The following SEPTIN6 variants were observed in gnomAD, a reference collection of about 807,000 sequenced individuals.
SEPTIN6 encodes septin 6, also known as septin-6.
In SEPTIN6, 8 loss-of-function variants were observed where a neutral mutation model predicts 33.6. That is an observed-to-expected ratio of 0.24 (90% CI 0.14 to 0.43). The LOEUF is 0.43. SEPTIN6 is among the 20% of genes least tolerant of loss of function. The probability of loss-of-function intolerance (pLI) is 1.00; values close to 1 mark genes in which losing one functional copy is unlikely to be tolerated. For missense variants in SEPTIN6, 250 were observed against 340.8 expected, an observed-to-expected ratio of 0.73 and a Z score of 2.10; for synonymous variants, 131 against 140.0, an observed-to-expected ratio of 0.94 and a Z score of 0.45.
intron 1 of SEPTIN6, among the ~76,000 whole-genome samples, chrX:119,680,319 C>T (rs965400780): frequency 9.2e-6 from 1 of 108,950 alleles, no homozygotes; most frequent in Non-Finnish European, 1.9e-5. Context: ...AGCGATTCTC[C>T]TGCCTCAGCC....
rs115988031 is a variant in SEPTIN6, at chrX:119,639,624, A to G, written c.787+1068T>C. ...GGAAGCCCCTGAGTGCCCTTTCCCAATCTCATCCCCCTCTATCCCTCAACT... is the reference window on the plus strand; with the variant it reads ...GGAAGCCCCTGAGTGCCCTTTCCCAGTCTCATCCCCCTCTATCCCTCAACT... On this transcript the variant is annotated intron_variant, in intron 6 of 10. Transcript: ENST00000394610. Among the ~76,000 whole-genome samples the G allele has an allele frequency of 6.9e-3, 767 of 110,939 alleles. 5 individuals carry two copies. Among genetic ancestry groups the G allele is most frequent in the African/African-American group, 0.024 (725 of 30,501 alleles).
chrX:119,670,038 A>T (rs1380079615), intron 2 of SEPTIN6, among the ~76,000 whole-genome samples: 1 of 111,774 alleles, frequency 8.9e-6, no homozygotes, highest in Non-Finnish European at 1.9e-5. Context: ...AGTGCAAAGC[A>T]ACGGGCCCCA....
chrX:119,661,143 T>A (rs2054534410), intron 3 of SEPTIN6, among the ~76,000 whole-genome samples: 1 of 108,049 alleles, frequency 9.3e-6, no homozygotes, highest in Admixed American at 1.0e-4. Context: ...TATATATATT[T>A]GGCTGGGCAC....
chrX:119,650,923 C>A (rs1435141133), intron 4 of SEPTIN6, among the ~76,000 whole-genome samples: 1 of 111,935 alleles, frequency 8.9e-6, no homozygotes, highest in Non-Finnish European at 1.9e-5. Flanking sequence ...CTAATCCCAA[C>A]CAAAAGTTCA....
In SEPTIN6 at chrX:119,618,165, A is replaced by AT. The variant is rs57766875; in HGVS notation, c.*1927dup. The AT allele has an allele frequency of 0.17, 98,256 of 586,483 alleles. 9 individuals are homozygous for AT. Among genetic ancestry groups the AT allele is most frequent in the Non-Finnish European group, 0.18 (89,177 of 497,486 alleles). The allele number at this position is 586,483 out of a possible 1,213,427, so 48.3% of individuals were successfully genotyped here. On this transcript the variant is annotated 3_prime_UTR_variant, in exon 11 of 11. Coordinates refer to ENST00000394610, the MANE Select transcript of SEPTIN6 (RefSeq NM_145799.4). Reference sequence around the variant, plus strand: ...AGCTACTGGCTGAGTATCTGAGCAGATTTTTTTTTTTTTTTTTTTGGTCGT... The same window carrying AT: ...AGCTACTGGCTGAGTATCTGAGCAGATTTTTTTTTTTTTTTTTTTTGGTCGT...
chrX:119,616,138 A>G (rs1190298549), downstream of SEPTIN6: 1 of 195,246 alleles, frequency 5.1e-6, no homozygotes, highest in East Asian at 7.3e-5. Context: ...TTTTGCCCTC[A>G]CTAAGCTTAA....
At chrX:119,627,412 A>G (rs2053872068) in intron 9 of SEPTIN6, among the ~76,000 whole-genome samples, 1 of 110,867 alleles carries the variant, frequency 9.0e-6, no homozygotes, top group Non-Finnish European at 1.9e-5. Context: ...ATTGACCCAC[A>G]TGGTATCCAG....
chrX:119,620,379 T>C lies in SEPTIN6; in HGVS notation c.*42-328A>G, dbSNP rs1448827384. The stretch of plus-strand genomic sequence containing the variant: ...TGTCACCCAGGCTGGAGTGCAGTGG[T>C]GCGATCTCGGCTCGCTGCAAGCTCT... On this transcript the variant is annotated intron_variant, in intron 10 of 10. Coordinates refer to ENST00000394610, the MANE Select transcript of SEPTIN6 (RefSeq NM_145799.4). Among the ~76,000 whole-genome samples the C allele has an allele frequency of 2.8e-4, 28 of 101,115 alleles. No individual in the cohort carries two copies. The South Asian group carries it at 0.011, about 40-fold the overall frequency. The allele number at this position is 101,115 out of a possible 115,157, so 87.8% of individuals were successfully genotyped here.
chrX:119,658,180 TCA>T (rs1196173792), intron 3 of SEPTIN6, among the ~76,000 whole-genome samples: 2 of 112,284 alleles, frequency 1.8e-5, no homozygotes, highest in African/African-American at 6.5e-5. Flanking sequence ...ACCTCTATTT[TCA>T]GTTTGCTGAT....
At chrX:119,649,417 T>C (rs770544765) in intron 5 of SEPTIN6, among the ~76,000 whole-genome samples, 24 of 102,029 alleles carry the variant, frequency 2.4e-4, no homozygotes, top group African/African-American at 8.4e-4. Context: ...AAAAATAACA[T>C]ATCTCGGTTG....
At chrX:119,676,815 C>A (rs144200729) in intron 1 of SEPTIN6, among the ~76,000 whole-genome samples, 2,934 of 111,675 alleles carry the variant, frequency 0.026, 41 homozygotes, top group Non-Finnish European at 0.041. Context: ...ATTTTGAGGA[C>A]CTACAAAGGC....
At chrX:119,678,695 G>A (rs1257509104) in intron 1 of SEPTIN6, among the ~76,000 whole-genome samples, 1 of 110,755 alleles carries the variant, frequency 9.0e-6, no homozygotes, top group Non-Finnish European at 1.9e-5. Flanking sequence ...AACGCTGCAG[G>A]GGAGTCAGGG....
chrX:119,639,855 A>G (rs2054123469), intron 6 of SEPTIN6, among the ~76,000 whole-genome samples: 1 of 111,018 alleles, frequency 9.0e-6, no homozygotes, highest in Non-Finnish European at 1.9e-5. Context: ...CCAGGCTGGA[A>G]TGCAGTGGCA....
chrX:119,679,573 G>T (rs183647140), intron 1 of SEPTIN6, among the ~76,000 whole-genome samples: 138 of 111,934 alleles, frequency 1.2e-3, no homozygotes, highest in African/African-American at 4.1e-3. Flanking sequence ...GAAGGGATGA[G>T]CCTCTGCCGG....
chrX:119,674,305 C>T (rs1421716004), intron 2 of SEPTIN6, among the ~76,000 whole-genome samples: 1 of 110,214 alleles, frequency 9.1e-6, no homozygotes, highest in African/African-American at 3.3e-5. Flanking sequence ...TCCCAAGTAG[C>T]TGGGACTACA....
intron 9 of SEPTIN6, chrX:119,629,046 G>T: frequency 3.2e-6 from 1 of 314,822 alleles, no homozygotes; most frequent in Non-Finnish European, 5.6e-6. Flanking sequence ...CTTTCCTATG[G>T]ACCTTGAGTT....
chrX:119,646,935 T>C (rs766918773), intron 5 of SEPTIN6: 1 of 135,778 alleles, frequency 7.4e-6, no homozygotes, highest in East Asian at 2.5e-4. Context: ...ATCCTCTGTG[T>C]ATATTTGATA....
At chrX:119,685,562 C>T (rs1051981589) in intron 1 of SEPTIN6, among the ~76,000 whole-genome samples, 33 of 111,897 alleles carry the variant, frequency 2.9e-4, no homozygotes, top group Middle Eastern at 4.6e-3. Flanking sequence ...CAGAGACTCA[C>T]AGAGAGGAAG....
chrX:119,635,493 AAG>A (rs2073886964), intron 7 of SEPTIN6, among the ~76,000 whole-genome samples: 1 of 111,499 alleles, frequency 9.0e-6, no homozygotes, highest in South Asian at 3.8e-4. Context: ...CGAGCCTGCA[AAG>A]GAGGCTGAGA....
Sources: gnomAD v4.1 joint callset for allele counts (sites outside exome capture counted in the v4.1 genomes callset) on GRCh38, gnomAD v4.1.1 for gene constraint, MANE v1.5 for transcripts, NCBI Gene and HGNC (gene_info 2026-07-23, HGNC 2026-07-21) for gene names.